Variants in JAM3 observed in about 807,000 individuals in gnomAD.
JAM3 encodes the protein junctional adhesion molecule 3.
Under a neutral mutation model 39.4 loss-of-function variants are expected in JAM3, and 31 were observed. The observed-to-expected ratio is 0.79, with a 90% CI of 0.59 to 1.06. The LOEUF (loss-of-function observed/expected upper bound fraction) is 1.06, where lower values mean the gene tolerates loss of function less well. Ranked by LOEUF, JAM3 falls within the 50% of genes least tolerant of loss-of-function variation. The pLI, the probability that JAM3 is intolerant of heterozygous loss-of-function variation, is 0.00. For synonymous variants in JAM3, 182 were observed against 148.7 expected, an observed-to-expected ratio of 1.22 and a Z score of -1.63; for missense variants, 455 against 391.4, an observed-to-expected ratio of 1.16 and a Z score of -1.37.
chr11:134,146,079 G>C, intron 6 of JAM3, 34 bp downstream of exon 6: 1 of 1,339,524 alleles, frequency 7.5e-7, no homozygotes, highest in Non-Finnish European at 1.1e-6. Flanking sequence ...TTCATCGCAA[G>C]ACTGGGAAGT....
At chr11:134,097,474 C>T (rs1398881993) in intron 1 of JAM3, among the ~76,000 whole-genome samples, 2 of 152,168 alleles carry the variant, frequency 1.3e-5, no homozygotes, top group African/African-American at 2.4e-5. Context: ...TGATGAACCT[C>T]TTTGGAGCAT....
At chr11:134,075,655 G>A (rs1941555499) in intron 1 of JAM3, among the ~76,000 whole-genome samples, 1 of 152,134 alleles carries the variant, frequency 6.6e-6, no homozygotes, top group Non-Finnish European at 1.5e-5. Flanking sequence ...TTGAACTCCT[G>A]AGTTTAAGGG....
chr11:134,085,725 C>T lies in JAM3; in HGVS notation c.76+16566C>T, dbSNP rs1941737209. 2.0e-5 allele frequency among the ~76,000 whole-genome samples: 3 copies of T among 152,102 alleles called. No homozygotes were observed. The South Asian group carries it at 6.2e-4, about 32-fold the overall frequency. On this transcript the variant is annotated intron_variant, in intron 1 of 8. Transcript: ENST00000299106. ...GTGTATCTTGGCTCTAAGTAGTCTG[C>T]GACTTGAGGACGGGAAGCTTGTCTT...
At chr11:134,091,453 C>T (rs71486981) in intron 1 of JAM3, among the ~76,000 whole-genome samples, 1 of 151,916 alleles carries the variant, frequency 6.6e-6, no homozygotes, top group East Asian at 1.9e-4. Flanking sequence ...GAGCCGAGAT[C>T]GTCCCACTGC....
At chr11:134,079,890 G>A (rs1366235469) in intron 1 of JAM3, among the ~76,000 whole-genome samples, 1 of 152,182 alleles carries the variant, frequency 6.6e-6, no homozygotes, top group African/African-American at 2.4e-5. Flanking sequence ...ATTTAGGTGT[G>A]TTTTGTAGCC....
intron 1 of JAM3, among the ~76,000 whole-genome samples, chr11:134,121,418 G>A (rs1028088317): frequency 1.4e-4 from 22 of 151,816 alleles, no homozygotes; most frequent in Non-Finnish European, 2.8e-4. Flanking sequence ...GAGCAGAAGC[G>A]AGTCAGTATT....
At chr11:134,086,292 CCTT>C (rs1297619966) in intron 1 of JAM3, among the ~76,000 whole-genome samples, 2 of 152,112 alleles carry the variant, frequency 1.3e-5, no homozygotes, top group African/African-American at 4.8e-5. Context: ...TTTACAATAA[CCTT>C]CTCTTAAAAA....
At chr11:134,077,204 T>G (rs1941584156) in intron 1 of JAM3, among the ~76,000 whole-genome samples, 1 of 152,146 alleles carries the variant, frequency 6.6e-6, no homozygotes, top group Admixed American at 6.6e-5. Context: ...TGGATTTGCA[T>G]CTCTCTGATG....
chr11:134,073,949 G>A (rs1941523445), intron 1 of JAM3, among the ~76,000 whole-genome samples: 1 of 152,168 alleles, frequency 6.6e-6, no homozygotes, highest in African/African-American at 2.4e-5. Flanking sequence ...TTGTACTACA[G>A]TAGTTATTCT....
intron 3 of JAM3, among the ~76,000 whole-genome samples, chr11:134,141,453 G>T (rs1187126880): frequency 2.7e-5 from 4 of 147,352 alleles, no homozygotes. Flanking sequence ...AGAGAGGGAG[G>T]AGAGGGGGGA....
At chr11:134,134,078 C>A (rs909339952) in intron 1 of JAM3, among the ~76,000 whole-genome samples, 42 of 151,682 alleles carry the variant, frequency 2.8e-4, no homozygotes, top group African/African-American at 1.0e-3. Flanking sequence ...TAGAAAGAAT[C>A]AAAACGAAAC....
At chr11:134,114,667 C>T (rs1942386239) in intron 1 of JAM3, among the ~76,000 whole-genome samples, 1 of 152,150 alleles carries the variant, frequency 6.6e-6, no homozygotes. Flanking sequence ...AGATGCCTTT[C>T]TGTACTGATC....
chr11:134,077,221 G>A (rs913155932), intron 1 of JAM3, among the ~76,000 whole-genome samples: 1 of 152,104 alleles, frequency 6.6e-6, no homozygotes, highest in Non-Finnish European at 1.5e-5. Flanking sequence ...GATGATGAGC[G>A]ATGTTGAGCA....
chr11:134,129,635 T>C (rs1942726978), intron 1 of JAM3, among the ~76,000 whole-genome samples: 1 of 152,218 alleles, frequency 6.6e-6, no homozygotes, highest in African/African-American at 2.4e-5. Flanking sequence ...CTTCAGTTAT[T>C]GGTGAAAGAA....
intron 1 of JAM3, among the ~76,000 whole-genome samples, chr11:134,094,749 AT>A (rs1411212457): frequency 6.6e-6 from 1 of 152,156 alleles, no homozygotes; most frequent in Non-Finnish European, 1.5e-5. Context: ...ATTTATTGCA[AT>A]TGCAATTAAT....
At chr11:134,121,833 A>G (rs934114407) in intron 1 of JAM3, among the ~76,000 whole-genome samples, 7 of 152,046 alleles carry the variant, frequency 4.6e-5, no homozygotes, top group African/African-American at 9.7e-5. Flanking sequence ...ACACACACAC[A>G]CACACACACA....
At chr11:134,089,083 A>G (rs1396446981) in intron 1 of JAM3, among the ~76,000 whole-genome samples, 1 of 152,230 alleles carries the variant, frequency 6.6e-6, no homozygotes, top group African/African-American at 2.4e-5. Flanking sequence ...ATGCTAGTGA[A>G]GAGCACTAGA....
intron 1 of JAM3, among the ~76,000 whole-genome samples, chr11:134,069,455 CG>C (rs1308194039): frequency 6.6e-6 from 1 of 152,016 alleles, no homozygotes; most frequent in Non-Finnish European, 1.5e-5. Context: ...CGTCGGACCC[CG>C]GGGGCGGGCT....
In JAM3 at chr11:134,113,735, A is replaced by G. The variant is rs544678966; in HGVS notation, c.77-26116A>G. Among the ~76,000 whole-genome samples, 4 of 152,300 alleles carry G rather than the reference A, an allele frequency of 2.6e-5. No individual in the cohort carries two copies. In the East Asian group the frequency reaches 5.8e-4, roughly 22 times the overall value. On this transcript the variant is annotated intron_variant, in intron 1 of 8. Coordinates refer to ENST00000299106, the MANE Select transcript of JAM3 (RefSeq NM_032801.5). The stretch of plus-strand genomic sequence containing the variant: ...TAATGGGATGGCTGGGTCAAAAGGT[A>G]TTTCTAGTTCTAGATCCCTGAGGAA...
Sources: gnomAD v4.1 joint callset for allele counts (sites outside exome capture counted in the v4.1 genomes callset) on GRCh38, gnomAD v4.1.1 for gene constraint, MANE v1.5 for transcripts, NCBI Gene and HGNC (gene_info 2026-07-23, HGNC 2026-07-21) for gene names.